The following CALN1 variants were observed in gnomAD, a reference collection of about 807,000 sequenced individuals.
The protein encoded by CALN1 is calneuron 1, also known as calcium-binding protein 8.
Under a neutral mutation model 30.6 loss-of-function variants are expected in CALN1, and 17 were observed. The observed-to-expected ratio is 0.56, with a 90% CI of 0.38 to 0.83. The LOEUF is 0.83. CALN1 is among the 40% of genes least tolerant of loss of function. The pLI is 0.00. For synonymous variants in CALN1, 156 were observed against 131.4 expected (o/e 1.19, Z -1.28); for missense variants, 291 against 354.9 (o/e 0.82, Z 1.45).
intron 3 of CALN1, among the ~76,000 whole-genome samples, chr7:72,148,962 AAGGGAGGGAGGG>A (rs1236888187): frequency 3.6e-5 from 5 of 138,126 alleles, no homozygotes; most frequent in Admixed American, 7.3e-5. Flanking sequence ...GGAAAGAAGG[AAGGGAGGGAGGG>A]AGGGAGGGAG....
intron 4 of CALN1, among the ~76,000 whole-genome samples, chr7:72,038,017 C>T (rs550595888): frequency 2.0e-5 from 3 of 152,184 alleles, no homozygotes; most frequent in Admixed American, 2.0e-4. Flanking sequence ...GCAACTTCAA[C>T]CAGAGGGGAA....
intron 3 of CALN1, among the ~76,000 whole-genome samples, chr7:72,108,973 C>T (rs534344907): frequency 6.6e-6 from 1 of 152,272 alleles, no homozygotes; most frequent in South Asian, 2.1e-4. Flanking sequence ...CACAGCAGGT[C>T]ATTCATTCCT....
At chr7:72,397,712 T>TCACACACA (rs1248212217) in intron 2 of CALN1, among the ~76,000 whole-genome samples, 1,494 of 70,220 alleles carry the variant, frequency 0.021, 17 homozygotes, top group African/African-American at 0.035. Context: ...ACCCATTCTC[T>TCACACACA]CTCACACACA....
At chr7:72,223,812 G>A (rs1368667888) in intron 3 of CALN1, among the ~76,000 whole-genome samples, 2 of 152,198 alleles carry the variant, frequency 1.3e-5, no homozygotes, top group Non-Finnish European at 2.9e-5. Context: ...GGAATACTAT[G>A]CAGCCATAAA....
chr7:72,268,967 G>C (rs1446070814), intron 3 of CALN1, among the ~76,000 whole-genome samples: 1 of 152,150 alleles, frequency 6.6e-6, no homozygotes, highest in African/African-American at 2.4e-5. Context: ...ACAACAGGCA[G>C]CACAAGATTA....
At chr7:72,460,779 C>T in the CALN1 span, among the ~76,000 whole-genome samples, 3 of 152,220 alleles carry the variant, frequency 2.0e-5, no homozygotes, top group East Asian at 5.8e-4. Context: ...CCTTGTGTCC[C>T]ATTCTCTGAC....
chr7:72,437,525 A>AGTGTGTGTGT (rs9297115), intron 1 of CALN1, among the ~76,000 whole-genome samples: 1,673 of 150,692 alleles, frequency 0.011, 19 homozygotes, highest in African/African-American at 0.029. Flanking sequence ...AGTTGTGTGG[A>AGTGTGTGTGT]GTGTGTGTGT....
At chr7:72,222,654 G>T (rs1793391760) in intron 3 of CALN1, among the ~76,000 whole-genome samples, 1 of 152,102 alleles carries the variant, frequency 6.6e-6, no homozygotes, top group East Asian at 1.9e-4. Context: ...GTCAGTGCTG[G>T]TTTTTCACCC....
intron 1 of CALN1, among the ~76,000 whole-genome samples, chr7:72,419,394 C>T (rs1443404549): frequency 6.6e-6 from 1 of 152,120 alleles, no homozygotes; most frequent in Non-Finnish European, 1.5e-5. Flanking sequence ...CCCATGGAAT[C>T]TTGGGGCAGG....
rs1792963424 is a variant in CALN1, at chr7:71,785,954, CTT to C, written c.*1819_*1820del. ...CTGTGATCCCCCAGGCTCTTGGGAGCTTACATCTGCTCCCTCCTCCATATTAT... is the reference window on the plus strand; with the variant it reads ...CTGTGATCCCCCAGGCTCTTGGGAGCACATCTGCTCCCTCCTCCATATTAT... On this transcript the variant is annotated 3_prime_UTR_variant, in exon 7 of 7. Transcript: ENST00000395275. 6.5e-6 allele frequency: 1 copy of C among 152,710 alleles called. No individual in the cohort carries two copies. Among genetic ancestry groups the C allele is most frequent in the Admixed American group, 6.5e-5 (1 of 15,284 alleles). The allele number at this position is 152,710 out of a possible 1,614,324, so 9.5% of individuals were successfully genotyped here. A position where few individuals can be genotyped will look rare whatever the true frequency, so the allele number is the denominator to read the frequency against.
the CALN1 span, among the ~76,000 whole-genome samples, chr7:72,499,405 AATTG>A: frequency 3.9e-5 from 6 of 152,176 alleles, no homozygotes; most frequent in South Asian, 4.1e-4. Context: ...ATTAATTAAT[AATTG>A]ATTGATTCAT....
intron 5 of CALN1, among the ~76,000 whole-genome samples, chr7:71,830,679 GA>G (rs1789219771): frequency 6.6e-6 from 1 of 152,116 alleles, no homozygotes; most frequent in African/African-American, 2.4e-5. Flanking sequence ...AATAAACTGA[GA>G]AAAAGTCCTC....
intron 1 of CALN1, among the ~76,000 whole-genome samples, chr7:72,410,127 G>A (rs767097493): frequency 6.6e-6 from 1 of 152,162 alleles, no homozygotes; most frequent in African/African-American, 2.4e-5. Flanking sequence ...TGACAAAAAA[G>A]ACGACAGGGC....
rs187133459 is a variant in CALN1 at position 71,973,071 on chromosome 7, G to T, written c.501+50586C>A. On this transcript the variant is annotated intron_variant, in intron 5 of 6. Coordinates refer to ENST00000395275, the MANE Select transcript of CALN1 (RefSeq NM_031468.4). ...CAAACGCTGATCTATTCCAGTTGATGGTCTCATTAACAGCAACATAAGTAG... is the reference window on the plus strand; with the variant it reads ...CAAACGCTGATCTATTCCAGTTGATTGTCTCATTAACAGCAACATAAGTAG... 2.0e-3 allele frequency among the ~76,000 whole-genome samples: 305 copies of T among 152,134 alleles called. 3 individuals are homozygous for T. The highest frequency in any genetic ancestry group is 7.0e-3 in the African/African-American group (291 of 41,510).
At chr7:71,971,460 C>T (rs1797794622) in intron 5 of CALN1, among the ~76,000 whole-genome samples, 2 of 151,856 alleles carry the variant, frequency 1.3e-5, no homozygotes, top group Non-Finnish European at 2.9e-5. Context: ...CAAAAACAAA[C>T]AAACAAACAA....
Position 72,407,475 on chromosome 7 carries a change from T to C in CALN1, c.-73-4033A>G, listed in dbSNP as rs868455636. Among the ~76,000 whole-genome samples the C allele has an allele frequency of 4.6e-4, 70 of 152,268 alleles. 1 individual carries two copies. The highest frequency in any genetic ancestry group is 1.6e-3 in the African/African-American group (67 of 41,550). Reference sequence around the variant, plus strand: ...CTTTCATGCTGTTCTTGTGATACAGTTCTCATGAGATCTGGTTGTTGCAAG... The same window carrying C: ...CTTTCATGCTGTTCTTGTGATACAGCTCTCATGAGATCTGGTTGTTGCAAG... On this transcript the variant is annotated intron_variant, in intron 1 of 6. Transcript: ENST00000395275.
At chr7:72,362,439 C>T (rs553107020) in intron 2 of CALN1, among the ~76,000 whole-genome samples, 20 of 152,304 alleles carry the variant, frequency 1.3e-4, no homozygotes, top group Admixed American at 3.3e-4. Flanking sequence ...TCTCTGGTGG[C>T]TTACTAGGCA....
At chr7:72,070,500 T>C (rs1169534746) in intron 4 of CALN1, among the ~76,000 whole-genome samples, 2 of 152,222 alleles carry the variant, frequency 1.3e-5, no homozygotes, top group East Asian at 1.9e-4. Context: ...ATATTCCACC[T>C]GCTCTTCATA....
chr7:72,370,861 C>T (rs1245732718), intron 2 of CALN1, among the ~76,000 whole-genome samples: 1 of 151,870 alleles, frequency 6.6e-6, no homozygotes, highest in Non-Finnish European at 1.5e-5. Flanking sequence ...GCCAGGCCAA[C>T]ATGGTGAAGC....
Sources: gnomAD v4.1 joint callset for allele counts (sites outside exome capture counted in the v4.1 genomes callset) on GRCh38, gnomAD v4.1.1 for gene constraint, MANE v1.5 for transcripts, NCBI Gene and HGNC (gene_info 2026-07-23, HGNC 2026-07-21) for gene names.